DACH1: variants seen among roughly 807,000 people sequenced by gnomAD.
DACH1 encodes dachshund family transcription factor 1.
In DACH1, 12 loss-of-function variants were observed where a neutral mutation model predicts 54.2. The observed-to-expected ratio is 0.22, with a 90% CI of 0.14 to 0.36. The LOEUF (loss-of-function observed/expected upper bound fraction) is 0.36, where lower values mean the gene tolerates loss of function less well. DACH1 is among the 10% of genes least tolerant of loss of function. The pLI, the probability that DACH1 is intolerant of heterozygous loss-of-function variation, is 1.00. For synonymous variants in DACH1, 386 were observed against 366.2 expected, an observed-to-expected ratio of 1.05 and a Z score of -0.62; for missense variants, 805 against 929.8, an observed-to-expected ratio of 0.87 and a Z score of 1.75.
chr13:71,469,144 A>C (rs1292905027), intron 10 of DACH1, among the ~76,000 whole-genome samples: 1 of 152,178 alleles, frequency 6.6e-6, no homozygotes, highest in Non-Finnish European at 1.5e-5. Context: ...ATTAACTAGT[A>C]GTGTGACTGT....
At chr13:71,810,053 G>A (rs1887652369) in intron 1 of DACH1, among the ~76,000 whole-genome samples, 1 of 152,140 alleles carries the variant, frequency 6.6e-6, no homozygotes, top group Admixed American at 6.5e-5. Flanking sequence ...ATACAAAAAT[G>A]TAGAAAGAGA....
At chr13:71,741,374 A>G (rs945177664) in intron 1 of DACH1, among the ~76,000 whole-genome samples, 1 of 152,350 alleles carries the variant, frequency 6.6e-6, no homozygotes, top group South Asian at 2.1e-4. Context: ...CATTGATCAA[A>G]CAAGAACTTT....
At chr13:71,814,801 A>G (rs1337429221) in intron 1 of DACH1, among the ~76,000 whole-genome samples, 1 of 152,252 alleles carries the variant, frequency 6.6e-6, no homozygotes, top group Non-Finnish European at 1.5e-5. Context: ...GAAATCTTTA[A>G]ATTCTGAAGA....
intron 2 of DACH1, among the ~76,000 whole-genome samples, chr13:71,660,407 A>T (rs552199015): frequency 6.6e-6 from 1 of 152,266 alleles, no homozygotes; most frequent in Non-Finnish European, 1.5e-5. Flanking sequence ...TCAATTTAAC[A>T]ATTTTAAAAT....
chr13:71,469,293 C>T (rs1033106432), intron 10 of DACH1, among the ~76,000 whole-genome samples: 4 of 151,582 alleles, frequency 2.6e-5, no homozygotes, highest in Non-Finnish European at 5.9e-5. Context: ...ATTAATATAC[C>T]TGTCTAAATG....
chr13:71,757,585 G>A (rs916548048), intron 1 of DACH1, among the ~76,000 whole-genome samples: 1 of 148,560 alleles, frequency 6.7e-6, no homozygotes. Context: ...GTACAATGGT[G>A]CAATCTTGGC....
At chr13:71,598,256 T>A (rs1304441921) in intron 3 of DACH1, among the ~76,000 whole-genome samples, 1 of 152,050 alleles carries the variant, frequency 6.6e-6, no homozygotes, top group African/African-American at 2.4e-5. Context: ...ATTTAAAATT[T>A]ATTGATGCTT....
chr13:71,488,888 G>T, intron 7 of DACH1, 109 bp downstream of exon 7: 1 of 1,022,100 alleles, frequency 9.8e-7, no homozygotes, highest in Non-Finnish European at 1.4e-6. Flanking sequence ...TTAATACCAT[G>T]TTTCAGTCAG....
At chr13:71,824,097 T>G (rs1354325387) in intron 1 of DACH1, among the ~76,000 whole-genome samples, 1 of 151,894 alleles carries the variant, frequency 6.6e-6, no homozygotes, top group Non-Finnish European at 1.5e-5. Flanking sequence ...ATTTAAAAAA[T>G]AATATAGAAT....
chr13:71,571,193 TTATAG>T (rs1362654710), intron 4 of DACH1, among the ~76,000 whole-genome samples: 1 of 152,178 alleles, frequency 6.6e-6, no homozygotes, highest in Non-Finnish European at 1.5e-5. Flanking sequence ...AGATGATTCT[TTATAG>T]TAATCACGAC....
chr13:71,581,650 A>T (rs6562676), intron 3 of DACH1, among the ~76,000 whole-genome samples: 1 of 152,144 alleles, frequency 6.6e-6, no homozygotes, highest in Admixed American at 6.5e-5. Context: ...CTTAGTAACT[A>T]TTGAGATATA....
intron 1 of DACH1, among the ~76,000 whole-genome samples, chr13:71,863,495 A>C (rs1413107060): frequency 1.3e-5 from 2 of 152,228 alleles, no homozygotes; most frequent in Admixed American, 6.5e-5. Context: ...TATTAAGGCC[A>C]GGTGACTGAA....
At position 71,627,291 on chromosome 13, in the gene DACH1, C is replaced by T. The variant is rs1465668785; in HGVS notation, c.1126+3265G>A. 5.9e-5 allele frequency among the ~76,000 whole-genome samples: 8 copies of T among 135,680 alleles called. No individual in the cohort carries two copies. The Admixed American group carries it at 6.5e-4, about 11-fold the overall frequency. The allele number at this position is 135,680 out of a possible 152,430, so 89.0% of individuals were successfully genotyped here. The stretch of plus-strand genomic sequence containing the variant: ...CAAAAACATAATCTGTTATCTGGGG[C>T]TTTAAGGATTCATTTACAATCAAGG... On this transcript the variant is annotated intron_variant, in intron 3 of 10. Transcript: ENST00000613252.
intron 6 of DACH1, among the ~76,000 whole-genome samples, chr13:71,521,974 T>G (rs1218988067): frequency 1.3e-5 from 2 of 152,258 alleles, no homozygotes; most frequent in Admixed American, 6.5e-5. Flanking sequence ...GTGGAACTAT[T>G]TATAGCACAA....
At chr13:71,645,427 C>T (rs1236368688) in intron 2 of DACH1, among the ~76,000 whole-genome samples, 1 of 152,176 alleles carries the variant, frequency 6.6e-6, no homozygotes, top group Non-Finnish European at 1.5e-5. Context: ...TTTCAATCAT[C>T]TCATTTACTC....
chr13:71,439,793 T>C lies in DACH1; in HGVS notation c.*862A>G, dbSNP rs1456859967. 6 of 152,440 alleles carry C rather than the reference T, an allele frequency of 3.9e-5. No homozygotes were observed. Among genetic ancestry groups the C allele is most frequent in the Admixed American group, 6.6e-5 (1 of 15,218 alleles). 9.4% of individuals were successfully genotyped at this position (152,440 alleles called of 1,614,324 possible). A position where few individuals can be genotyped will look rare whatever the true frequency, so the allele number is the denominator to read the frequency against. On this transcript the variant is annotated 3_prime_UTR_variant, in exon 11 of 11. Coordinates refer to ENST00000613252, the MANE Select transcript of DACH1 (RefSeq NM_080759.6). ...TTCTAAAATTTTCATTTTCCTAAACTCTAGTATACTACTGCATACATAATA... is the reference window on the plus strand; with the variant it reads ...TTCTAAAATTTTCATTTTCCTAAACCCTAGTATACTACTGCATACATAATA...
At chr13:71,558,576 T>C (rs979532030) in intron 5 of DACH1, among the ~76,000 whole-genome samples, 4 of 152,122 alleles carry the variant, frequency 2.6e-5, no homozygotes, top group Non-Finnish European at 4.4e-5. Flanking sequence ...CAATATCTTA[T>C]AATGAAACCA....
At chr13:71,765,726 T>C (rs1885591316) in intron 1 of DACH1, among the ~76,000 whole-genome samples, 2 of 152,098 alleles carry the variant, frequency 1.3e-5, no homozygotes, top group Admixed American at 1.3e-4. Flanking sequence ...CTAGCAATCC[T>C]AGGAAGTGAG....
chr13:71,791,574 G>T (rs1258202514), intron 1 of DACH1, among the ~76,000 whole-genome samples: 1 of 152,090 alleles, frequency 6.6e-6, no homozygotes, highest in Non-Finnish European at 1.5e-5. Context: ...AGTAGACATG[G>T]GGTTTCACCA....
Sources: allele counts gnomAD v4.1 joint callset (sites outside exome capture counted in the v4.1 genomes callset), GRCh38; gene constraint gnomAD v4.1.1; transcripts MANE v1.5; gene names NCBI Gene and HGNC (gene_info 2026-07-23, HGNC 2026-07-21).